Variants in SETD7 observed in about 807,000 individuals in gnomAD.
SETD7 encodes histone-lysine N-methyltransferase SETD7.
In SETD7, 16 loss-of-function variants were observed where a neutral mutation model predicts 41.8. The ratio of observed to expected loss-of-function variants is 0.38; its 90% CI spans 0.26 to 0.58. The LOEUF is 0.58. Ranked by LOEUF, SETD7 falls within the 20% of genes least tolerant of loss-of-function variation. The pLI is 0.64. For missense variants in SETD7, 346 were observed against 459.7 expected (o/e 0.75, Z 2.26); for synonymous variants, 163 against 169.7 (o/e 0.96, Z 0.31).
chr4:139,523,882 C>G (rs1349443095), intron 4 of SETD7, among the ~76,000 whole-genome samples: 1 of 152,192 alleles, frequency 6.6e-6, no homozygotes, highest in African/African-American at 2.4e-5. Flanking sequence ...TCTGCCTCAC[C>G]AGAATTAAGG....
At chr4:139,530,512 AT>A (rs1186931778) in intron 3 of SETD7, among the ~76,000 whole-genome samples, 1 of 152,146 alleles carries the variant, frequency 6.6e-6, no homozygotes, top group African/African-American at 2.4e-5. Context: ...CTTCAAGTTA[AT>A]TCTTAATAAT....
In SETD7 at chr4:139,550,136, T is replaced by C. The variant is rs926136682; in HGVS notation, c.41-3087A>G. 2.0e-5 allele frequency among the ~76,000 whole-genome samples: 3 copies of C among 152,142 alleles called. No homozygotes were observed. In the South Asian group the frequency reaches 6.2e-4, roughly 32 times the overall value. On this transcript the variant is annotated intron_variant, in intron 1 of 7. Transcript: ENST00000274031. Reference sequence around the variant, plus strand: ...CTGAGCTCAAGTGGTCCACCCACTTTGGGTGCTGGGATTACAGGCAAGAAC... The same window carrying C: ...CTGAGCTCAAGTGGTCCACCCACTTCGGGTGCTGGGATTACAGGCAAGAAC...
intron 2 of SETD7, among the ~76,000 whole-genome samples, chr4:139,541,659 G>A (rs1210335078): frequency 6.6e-6 from 1 of 152,206 alleles, no homozygotes; most frequent in Non-Finnish European, 1.5e-5. Flanking sequence ...ATAAGGTTAT[G>A]TTCTCATTCA....
intron 7 of SETD7, among the ~76,000 whole-genome samples, chr4:139,497,615 A>G (rs557075241): frequency 6.6e-6 from 1 of 150,954 alleles, no homozygotes; most frequent in East Asian, 2.0e-4. Flanking sequence ...TTTAGACGAA[A>G]TCTCTCTCTT....
chr4:139,533,111 G>T, intron 3 of SETD7, 54 bp downstream of exon 3: 1 of 1,445,094 alleles, frequency 6.9e-7, no homozygotes, highest in Non-Finnish European at 9.7e-7. Flanking sequence ...ACTCTTCATT[G>T]TGAAGAGTCA....
chr4:139,499,629 A>G (rs1474598522), intron 7 of SETD7, among the ~76,000 whole-genome samples: 1 of 151,782 alleles, frequency 6.6e-6, no homozygotes, highest in African/African-American at 2.4e-5. Flanking sequence ...CAGCCAATCA[A>G]TCCTTTCAGT....
At chr4:139,551,136 G>C (rs1279709837) in intron 1 of SETD7, among the ~76,000 whole-genome samples, 1 of 152,222 alleles carries the variant, frequency 6.6e-6, no homozygotes, top group African/African-American at 2.4e-5. Context: ...TGTCCCGGTT[G>C]CAAAGTCCTA....
intron 7 of SETD7, among the ~76,000 whole-genome samples, chr4:139,500,931 G>A (rs1485720701): frequency 6.6e-6 from 1 of 152,056 alleles, no homozygotes; most frequent in African/African-American, 2.4e-5. Flanking sequence ...GCGCTTCCCT[G>A]AGCATTCCCA....
chr4:139,516,844 C>T (rs1446320004), intron 7 of SETD7, among the ~76,000 whole-genome samples: 6 of 152,234 alleles, frequency 3.9e-5, no homozygotes, highest in Admixed American at 6.5e-5. Context: ...TTAGAACACC[C>T]GCCTTAGAAC....
chr4:139,509,039 G>C lies in SETD7; in HGVS notation c.*2624C>G, dbSNP rs975184534. The C allele has an allele frequency of 1.3e-5, 2 of 152,904 alleles. No individual in the cohort carries two copies. Among genetic ancestry groups the C allele is most frequent in the African/African-American group, 4.8e-5 (2 of 41,454 alleles). 9.5% of individuals were successfully genotyped at this position (152,904 alleles called of 1,614,324 possible). A position where few individuals can be genotyped will look rare whatever the true frequency, so the allele number is the denominator to read the frequency against. On this transcript the variant is annotated 3_prime_UTR_variant, in exon 8 of 8. Coordinates refer to ENST00000274031, the MANE Select transcript of SETD7 (RefSeq NM_030648.4). ...AGCAAACAGAGAGGCACACACAGAG[G>C]AAAAGCCAGATGAGCAGAGTCCCAA...
intron 5 of SETD7, 121 bp from the exon 6 acceptor site, chr4:139,520,515 AAGGG>A: frequency 1.9e-6 from 1 of 533,352 alleles, no homozygotes; most frequent in Non-Finnish European, 3.3e-6. Flanking sequence ...CCCAACTAAG[AAGGG>A]AGGGAGGAAG....
At chr4:139,503,947 C>T (rs75506558), downstream of SETD7, among the ~76,000 whole-genome samples, 2,643 of 152,252 alleles carry the variant, frequency 0.017, 86 homozygotes, top group African/African-American at 0.058. Flanking sequence ...TGGATGGGGC[C>T]AAATTGGCTG....
At chr4:139,525,738 G>A (rs2592979) in intron 4 of SETD7, among the ~76,000 whole-genome samples, 1 of 152,164 alleles carries the variant, frequency 6.6e-6, no homozygotes, top group Non-Finnish European at 1.5e-5. Context: ...ACCATTGGAC[G>A]CTACAGTCAC....
chr4:139,532,867 A>G, intron 3 of SETD7: 1 of 481,656 alleles, frequency 2.1e-6, no homozygotes, highest in African/African-American at 1.9e-5. Context: ...TAAAAGCAAT[A>G]TATTTTGCCT....
At chr4:139,531,810 G>T (rs1286911317) in intron 3 of SETD7, among the ~76,000 whole-genome samples, 1 of 152,130 alleles carries the variant, frequency 6.6e-6, no homozygotes, top group Non-Finnish European at 1.5e-5. Context: ...TATATTTTCA[G>T]CTTGGTGTGG....
chr4:139,536,201 C>T (rs962068137), intron 2 of SETD7, among the ~76,000 whole-genome samples: 7 of 152,158 alleles, frequency 4.6e-5, no homozygotes, highest in African/African-American at 1.4e-4. Flanking sequence ...CTGCTCATAT[C>T]GAAAGTTTAC....
chr4:139,498,214 G>GC (rs1385434016), intron 7 of SETD7, among the ~76,000 whole-genome samples: 1 of 152,108 alleles, frequency 6.6e-6, no homozygotes, highest in Non-Finnish European at 1.5e-5. Context: ...TGGAGGGACT[G>GC]CCCCCCACCC....
chr4:139,502,973 A>G (rs1726613866), downstream of SETD7, among the ~76,000 whole-genome samples: 1 of 151,944 alleles, frequency 6.6e-6, no homozygotes, highest in African/African-American at 2.4e-5. Context: ...GCCTGAGCTC[A>G]GGAGTTCGAG....
intron 1 of SETD7, chr4:139,547,891 T>C (rs1418605157): frequency 6.6e-6 from 1 of 152,232 alleles, no homozygotes; most frequent in African/African-American, 2.4e-5. Context: ...CAGCAGAAGT[T>C]ATTACATGGA....
Sources: gnomAD v4.1 joint callset for allele counts (sites outside exome capture counted in the v4.1 genomes callset) on GRCh38, gnomAD v4.1.1 for gene constraint, MANE v1.5 for transcripts, NCBI Gene and HGNC (gene_info 2026-07-23, HGNC 2026-07-21) for gene names.